The following EDEM3 variants were observed in gnomAD, a reference collection of about 807,000 sequenced individuals.
EDEM3 encodes the protein ER degradation enhancing alpha-mannosidase like protein 3, also known as ER degradation-enhancing alpha-mannosidase-like protein 3.
EDEM3 carries 60 observed loss-of-function variants against 110.2 expected under a neutral mutation model. That is an observed-to-expected ratio of 0.54 (90% CI 0.44 to 0.67). The LOEUF (loss-of-function observed/expected upper bound fraction) is 0.67, where lower values mean the gene tolerates loss of function less well. Among genes scored for constraint, EDEM3 ranks in the 30% least tolerant of loss-of-function variants. The pLI is 0.00. For missense variants in EDEM3, 996 were observed against 1,121.0 expected (o/e 0.89, Z 1.59); for synonymous variants, 352 against 382.9 (o/e 0.92, Z 0.94).
In EDEM3 at chr1:184,742,416, G is replaced by A. The variant is rs184439181; in HGVS notation, c.205-4705C>T. The stretch of plus-strand genomic sequence containing the variant: ...ATTCCTAATTACTTTTTTTGAAACG[G>A]AGTCTCACTCTTTCACCCAGGCTGG... On this transcript the variant is annotated intron_variant, in intron 2 of 19. Transcript: ENST00000318130. 5.7e-4 allele frequency among the ~76,000 whole-genome samples: 86 copies of A among 151,978 alleles called. No homozygotes were observed. The Middle Eastern group carries it at 0.014, about 24-fold the overall frequency.
chr1:184,730,437 A>G (rs917762076), intron 6 of EDEM3, among the ~76,000 whole-genome samples: 2 of 152,070 alleles, frequency 1.3e-5, no homozygotes, highest in Non-Finnish European at 2.9e-5. Context: ...TTTTTTAAAA[A>G]TCAGCCGAGC....
intron 11 of EDEM3, 34 bp from the exon 12 acceptor site, chr1:184,717,657 T>A: frequency 1.3e-6 from 2 of 1,526,972 alleles, no homozygotes; most frequent in Non-Finnish European, 1.8e-6. Flanking sequence ...GCATAAAAAA[T>A]GTGATTAAAT....
Position 184,719,573 on chromosome 1 carries a change from A to G in EDEM3, c.952-5T>C, listed in dbSNP as rs1388201105. 1 of 1,613,554 alleles carries G rather than the reference A, an allele frequency of 6.2e-7. No individual in the cohort carries two copies. Among genetic ancestry groups the G allele is most frequent in the Non-Finnish European group, 8.5e-7 (1 of 1,179,898 alleles). ...CCTCATTATGGCATCATAGTGCTAA[A>G]AGATCACAACATGTGTTCATGAAAG... On this transcript the variant is annotated splice_region_variant and splice_polypyrimidine_tract_variant and intron_variant, in intron 9 of 19. Coordinates refer to ENST00000318130, the MANE Select transcript of EDEM3 (RefSeq NM_025191.4).
chr1:184,754,518 G>T lies in EDEM3; in HGVS notation c.129C>A (p.Pro43=), dbSNP rs1168967747. ...GCTTCTGTTTCTCCTCCCTACTCAT[G>T]GGCTCGGCCCCCGCCGTCCACACGG... ...ATSVWTAGAE[P]MSREEKQKLG... is the part of the protein sequence containing the mutation. The change falls in exon 1 of 20, where the codon CCC becomes CCA. Residue 43 remains proline, a synonymous_variant. Coordinates refer to ENST00000318130, the MANE Select transcript of EDEM3 (RefSeq NM_025191.4). 2 of 1,613,052 alleles carry T rather than the reference G, an allele frequency of 1.2e-6. No homozygotes were observed. The highest frequency in any genetic ancestry group is 1.7e-6 in the Non-Finnish European group (2 of 1,179,820).
chr1:184,714,649 G>C (rs1006620658), intron 13 of EDEM3, among the ~76,000 whole-genome samples: 1 of 151,958 alleles, frequency 6.6e-6, no homozygotes, highest in South Asian at 2.1e-4. Context: ...TAACAGTTTG[G>C]ATGAAAAAAA....
In EDEM3 at chr1:184,708,201, C is replaced by T; in HGVS notation, c.1989G>A (p.Leu663=). ...VSHPFFGRVV[L]TAGPAQFGLD... Reference sequence around the variant, plus strand: ...GCCCAAACTGAGCTGGTCCAGCAGTCAATACTACCCTGCCAAAAAATGGGT... The same window carrying T: ...GCCCAAACTGAGCTGGTCCAGCAGTTAATACTACCCTGCCAAAAAATGGGT... Residue 663 remains leucine, a synonymous_variant, in exon 17 of 20, where the codon TTG becomes TTA. Transcript: ENST00000318130. 1 of 1,613,726 alleles carries T rather than the reference C, an allele frequency of 6.2e-7. No homozygotes were observed. The highest frequency in any genetic ancestry group is 1.1e-5 in the South Asian group (1 of 91,058).
At chr1:184,739,350 C>A (rs991658435) in intron 2 of EDEM3, among the ~76,000 whole-genome samples, 1 of 148,270 alleles carries the variant, frequency 6.7e-6, no homozygotes, top group Non-Finnish European at 1.5e-5. Flanking sequence ...TAATTTAAAT[C>A]ATTAATTATA....
Position 184,693,990 on chromosome 1 carries a change from T to C in EDEM3, c.*73A>G, listed in dbSNP as rs1174277078. On this transcript the variant is annotated 3_prime_UTR_variant, in exon 20 of 20. Coordinates refer to ENST00000318130, the MANE Select transcript of EDEM3 (RefSeq NM_025191.4). Reference sequence around the variant, plus strand: ...GCCTCCCATTAGAAAGCCTGCTTAGTATTAGGATGTCTATTAACCACACAC... The same window carrying C: ...GCCTCCCATTAGAAAGCCTGCTTAGCATTAGGATGTCTATTAACCACACAC... The C allele has an allele frequency of 6.8e-7, 1 of 1,479,562 alleles. No homozygotes were observed. The highest frequency in any genetic ancestry group is 1.4e-5 in the African/African-American group (1 of 71,090). 91.7% of individuals were successfully genotyped at this position (1,479,562 alleles called of 1,614,324 possible).
Position 184,721,752 on chromosome 1 carries a change from T to C in EDEM3, c.854-366A>G, listed in dbSNP as rs149062165. Among the ~76,000 whole-genome samples, 500 of 151,860 alleles carry C rather than the reference T, an allele frequency of 3.3e-3. 8 individuals are homozygous for C. Among genetic ancestry groups the C allele is most frequent in the South Asian group, 1.0e-2 (48 of 4,818 alleles). Reference sequence around the variant, plus strand: ...AAAGTCAAGAAAAATTAAAGAACAATAATAATATCTACTCTTAAAAAGAAG... The same window carrying C: ...AAAGTCAAGAAAAATTAAAGAACAACAATAATATCTACTCTTAAAAAGAAG... On this transcript the variant is annotated intron_variant, in intron 8 of 19. Transcript: ENST00000318130.
At chr1:184,701,692 A>C in intron 19 of EDEM3, 2 of 402,118 alleles carry the variant, frequency 5.0e-6, no homozygotes, top group South Asian at 2.3e-5. Flanking sequence ...CCCAGGAAAA[A>C]AAAATCAGGT....
In EDEM3 at chr1:184,714,726, T is replaced by A. The variant is rs1650449928; in HGVS notation, c.1371-2128A>T. Among the ~76,000 whole-genome samples the A allele has an allele frequency of 2.0e-5, 3 of 152,146 alleles. No individual in the cohort carries two copies. The South Asian group carries it at 6.2e-4, about 32-fold the overall frequency. On this transcript the variant is annotated intron_variant, in intron 13 of 19. Coordinates refer to ENST00000318130, the MANE Select transcript of EDEM3 (RefSeq NM_025191.4). Reference sequence around the variant, plus strand: ...GTAGTTTAGCTAATGAGATTCAACCTCTAGACCAAAATCTAGAAACAAAAC... The same window carrying A: ...GTAGTTTAGCTAATGAGATTCAACCACTAGACCAAAATCTAGAAACAAAAC...
At chr1:184,718,424 T>G (rs1650675115) in intron 11 of EDEM3, among the ~76,000 whole-genome samples, 2 of 152,244 alleles carry the variant, frequency 1.3e-5, no homozygotes, top group South Asian at 4.1e-4. Flanking sequence ...TTTTCTACAA[T>G]GCACAGTCCT....
rs750331021 is a variant in EDEM3 at position 184,719,420 on chromosome 1, TAAG to T, written c.1077+20_1077+22del. 9.4e-6 allele frequency: 15 copies of T among 1,603,500 alleles called. No homozygotes were observed. The highest frequency in any genetic ancestry group is 5.6e-5 in the South Asian group (5 of 88,536). The stretch of plus-strand genomic sequence containing the variant: ...TAACATCATCATCTTACATTCATAT[TAAG>T]AAGACAGAATTCTTTATACCTGCAA... On this transcript the variant is annotated intron_variant, in intron 10 of 19. Transcript: ENST00000318130.
chr1:184,709,138 G>A (rs12567225), intron 16 of EDEM3, among the ~76,000 whole-genome samples: 45,867 of 151,764 alleles, frequency 0.3, 8,450 homozygotes, highest in East Asian at 0.54. Context: ...AAAGAATGAT[G>A]ATAGGTTTTA....
chr1:184,718,266 T>C (rs545705976), intron 11 of EDEM3, among the ~76,000 whole-genome samples: 1 of 152,192 alleles, frequency 6.6e-6, no homozygotes, highest in Admixed American at 6.5e-5. Context: ...AATTAGTCTA[T>C]TTGAAATTTA....
chr1:184,690,394 G>A lies in EDEM3; in HGVS notation c.*3669C>T, dbSNP rs912518545. On this transcript the variant is annotated 3_prime_UTR_variant, in exon 20 of 20. Transcript: ENST00000318130. ...AAAATGTCCCCAGAATTCAATCCCC[G>A]GAGGATAAAATGAGTTTAAAAAAAA... 1 of 138,716 alleles carries A rather than the reference G, an allele frequency of 7.2e-6. No homozygotes were observed. The highest frequency in any genetic ancestry group is 1.5e-5 in the Non-Finnish European group (1 of 65,260). The allele number at this position is 138,716 out of a possible 1,614,324, so 8.6% of individuals were successfully genotyped here.
chr1:184,692,428 C>G lies in EDEM3; in HGVS notation c.*1635G>C, dbSNP rs958989036. The G allele has an allele frequency of 2.0e-5, 3 of 152,078 alleles. No homozygotes were observed. The highest frequency in any genetic ancestry group is 7.2e-5 in the African/African-American group (3 of 41,434). 9.4% of individuals were successfully genotyped at this position (152,078 alleles called of 1,614,324 possible). A position where few individuals can be genotyped will look rare whatever the true frequency, so the allele number is the denominator to read the frequency against. On this transcript the variant is annotated 3_prime_UTR_variant, in exon 20 of 20. Coordinates refer to ENST00000318130, the MANE Select transcript of EDEM3 (RefSeq NM_025191.4). ...ACTCAATTATATTTACCTGGAATAT[C>G]TGAATGCAGGTATTTATCCTCTCAG... is the stretch of plus-strand genomic sequence containing the variant.
chr1:184,725,933 A>G (rs1432928198), intron 7 of EDEM3, among the ~76,000 whole-genome samples: 1 of 152,188 alleles, frequency 6.6e-6, no homozygotes, highest in Admixed American at 6.5e-5. Context: ...AATAAAACAC[A>G]GGGACATAGT....
At chr1:184,702,662 G>T in intron 19 of EDEM3, 149 bp downstream of exon 19, 2 of 539,054 alleles carry the variant, frequency 3.7e-6, no homozygotes, top group Non-Finnish European at 6.0e-6. Flanking sequence ...ATTTCCAAAA[G>T]AAAAATATAT....
Sources: gnomAD v4.1 joint callset for allele counts (sites outside exome capture counted in the v4.1 genomes callset) on GRCh38, gnomAD v4.1.1 for gene constraint, MANE v1.5 for transcripts, NCBI Gene and HGNC (gene_info 2026-07-23, HGNC 2026-07-21) for gene names.